The following FSHR variants were observed in gnomAD, a reference collection of about 807,000 sequenced individuals.
FSHR encodes follicle stimulating hormone receptor.
FSHR carries 46 observed loss-of-function variants against 52.1 expected under a neutral mutation model. The ratio of observed to expected loss-of-function variants is 0.88; its 90% confidence interval spans 0.70 to 1.13. The LOEUF (loss-of-function observed/expected upper bound fraction) is 1.13, where lower values mean the gene tolerates loss of function less well. Among genes scored for constraint, FSHR ranks in the 50% most tolerant of loss-of-function variants. The pLI is 0.00. For missense variants in FSHR, 964 were observed against 834.6 expected (o/e 1.16, Z -1.91); for synonymous variants, 399 against 309.6 (o/e 1.29, Z -3.03).
At chr2:49,026,054 T>C (rs1667901511) in intron 2 of FSHR, among the ~76,000 whole-genome samples, 1 of 152,218 alleles carries the variant, frequency 6.6e-6, no homozygotes, top group Non-Finnish European at 1.5e-5. Flanking sequence ...TTTCCTGACA[T>C]GCCTGAGATG....
In FSHR at chr2:49,047,735, T is replaced by C. The variant is rs564621703; in HGVS notation, c.224+20484A>G. Among the ~76,000 whole-genome samples, 44 of 152,310 alleles carry C rather than the reference T, an allele frequency of 2.9e-4. No individual in the cohort carries two copies. The South Asian group carries it at 3.3e-3, about 11-fold the overall frequency. ...ATAAGTTCTTCAGATGCTGTTATCC[T>C]TACTGGGAAAGAAGAATTATGAACA... On this transcript the variant is annotated intron_variant, in intron 2 of 9. Coordinates refer to ENST00000406846, the MANE Select transcript of FSHR (RefSeq NM_000145.4).
chr2:49,108,906 T>C (rs137955004), intron 1 of FSHR, among the ~76,000 whole-genome samples: 46 of 152,258 alleles, frequency 3.0e-4, no homozygotes, highest in African/African-American at 1.1e-3. Context: ...ACCTAATATG[T>C]GTCATGAAGG....
intron 2 of FSHR, among the ~76,000 whole-genome samples, chr2:49,029,385 C>A (rs1367823731): frequency 1.3e-5 from 2 of 152,146 alleles, no homozygotes; most frequent in African/African-American, 4.8e-5. Context: ...GCTACTAAAT[C>A]CATTAGCACA....
At chr2:49,112,654 T>A (rs1126075) in intron 1 of FSHR, among the ~76,000 whole-genome samples, 73,419 of 151,964 alleles carry the variant, frequency 0.48, 18,769 homozygotes, top group East Asian at 0.7. Flanking sequence ...GTGTTAGATG[T>A]GAAGATCCCT....
intron 1 of FSHR, among the ~76,000 whole-genome samples, chr2:49,143,750 C>T (rs1672773997): frequency 6.6e-6 from 1 of 152,068 alleles, no homozygotes. Flanking sequence ...AATCTGCATT[C>T]CACAATATAT....
intron 2 of FSHR, among the ~76,000 whole-genome samples, chr2:49,051,873 T>C (rs747503787): frequency 6.6e-6 from 1 of 152,152 alleles, no homozygotes; most frequent in African/African-American, 2.4e-5. Flanking sequence ...GTGTATAACA[T>C]GAGGTAAGGG....
chr2:49,076,763 G>A (rs1050450384), intron 1 of FSHR, among the ~76,000 whole-genome samples: 19 of 152,274 alleles, frequency 1.2e-4, no homozygotes, highest in African/African-American at 4.3e-4. Flanking sequence ...GGTAAATACA[G>A]CCATTCCAAA....
rs760439697 is a variant in FSHR, at chr2:48,963,792, G to A, written c.1029C>T (p.Asp343=). Residue 343 remains aspartate (D), a synonymous_variant, in exon 10 of 10, where the codon GAC becomes GAT. Coordinates refer to ENST00000406846, the MANE Select transcript of FSHR (RefSeq NM_000145.4). ...CATCTGGCTTAGGGGAGCAGGTCAC[G>A]TCAACCACTTCATTGCATAAGTCAT... ...FDYDLCNEVV[D]VTCSPKPDAF... is the part of the protein sequence containing the mutation. The A allele has an allele frequency of 6.8e-6, 11 of 1,613,972 alleles. No homozygotes were observed. Among genetic ancestry groups the A allele is most frequent in the South Asian group, 2.2e-5 (2 of 91,080 alleles).
chr2:49,024,053 T>C (rs1050214489), intron 2 of FSHR, among the ~76,000 whole-genome samples: 2 of 152,130 alleles, frequency 1.3e-5, no homozygotes, highest in South Asian at 2.1e-4. Flanking sequence ...ATTAATTTGT[T>C]CACCATTATA....
intron 1 of FSHR, among the ~76,000 whole-genome samples, chr2:49,124,168 T>C (rs1372952628): frequency 6.6e-6 from 1 of 151,478 alleles, no homozygotes; most frequent in Non-Finnish European, 1.5e-5. Context: ...AATTTTTTTT[T>C]TTTTTTTAAG....
chr2:49,063,562 T>G (rs1371659127), intron 2 of FSHR, among the ~76,000 whole-genome samples: 1 of 152,016 alleles, frequency 6.6e-6, no homozygotes, highest in African/African-American at 2.4e-5. Context: ...GTGAAATAAG[T>G]TAGGCACAGA....
At chr2:49,072,610 T>C (rs72877898) in intron 1 of FSHR, among the ~76,000 whole-genome samples, 3,914 of 152,240 alleles carry the variant, frequency 0.026, 144 homozygotes, top group African/African-American at 0.091. Context: ...AGACTGTTGA[T>C]AGAAATGTTT....
At chr2:49,018,950 GATTA>G (rs1268972605) in intron 3 of FSHR, among the ~76,000 whole-genome samples, 1 of 152,166 alleles carries the variant, frequency 6.6e-6, no homozygotes. Flanking sequence ...AGAGTCAAAA[GATTA>G]ATGTTCAAGT....
At chr2:49,033,940 G>A (rs1239054184) in intron 2 of FSHR, among the ~76,000 whole-genome samples, 1 of 152,132 alleles carries the variant, frequency 6.6e-6, no homozygotes, top group Non-Finnish European at 1.5e-5. Context: ...TTTATAGCAG[G>A]CTGGATATCA....
intron 4 of FSHR, chr2:49,014,655 C>G (rs1667416146): frequency 3.8e-6 from 1 of 263,170 alleles, no homozygotes; most frequent in Admixed American, 5.2e-5. Flanking sequence ...TTCTGAATCC[C>G]TTGGTTTCAA....
At chr2:49,044,950 C>T (rs1254351912) in intron 2 of FSHR, among the ~76,000 whole-genome samples, 1 of 152,160 alleles carries the variant, frequency 6.6e-6, no homozygotes, top group Non-Finnish European at 1.5e-5. Flanking sequence ...TTTCAGTGTC[C>T]AGCTGTGTTT....
At chr2:49,015,848 A>G (rs1448332168) in intron 4 of FSHR, among the ~76,000 whole-genome samples, 2 of 152,210 alleles carry the variant, frequency 1.3e-5, no homozygotes, top group East Asian at 3.9e-4. Context: ...AGGTAACAGC[A>G]GAGAATGAAA....
intron 2 of FSHR, among the ~76,000 whole-genome samples, chr2:49,063,287 C>G (rs937460055): frequency 1.3e-5 from 2 of 152,124 alleles, no homozygotes; most frequent in Non-Finnish European, 2.9e-5. Flanking sequence ...ACAAAGGATT[C>G]TTCTCTTTTC....
At position 49,025,657 on chromosome 2, in the gene FSHR, C is replaced by T. The variant is rs537913598; in HGVS notation, c.225-5497G>A. ...TGGAGTCTGGGACTAAATTCATCTG[C>T]AGCTGGGAGACCTTGTGACAGTCAA... On this transcript the variant is annotated intron_variant, in intron 2 of 9. Coordinates refer to ENST00000406846, the MANE Select transcript of FSHR (RefSeq NM_000145.4). Among the ~76,000 whole-genome samples, 6 of 152,236 alleles carry T rather than the reference C, an allele frequency of 3.9e-5. No homozygotes were observed. The East Asian group carries it at 1.2e-3, about 29-fold the overall frequency.
Sources: gnomAD v4.1 joint callset for allele counts (sites outside exome capture counted in the v4.1 genomes callset) on GRCh38, gnomAD v4.1.1 for gene constraint, MANE v1.5 for transcripts, NCBI Gene and HGNC (gene_info 2026-07-23, HGNC 2026-07-21) for gene names.